The following CLIC4 variants were observed in gnomAD, a reference collection of about 807,000 sequenced individuals.
The protein encoded by CLIC4 is chloride intracellular channel protein 4.
CLIC4 carries 13 observed loss-of-function variants against 24.6 expected under a neutral mutation model. The ratio of observed to expected loss-of-function variants is 0.53; its 90% CI spans 0.34 to 0.84. The LOEUF is 0.84. Among genes scored for constraint, CLIC4 ranks in the 40% least tolerant of loss-of-function variants. CLIC4 has a pLI of 0.01. For missense variants in CLIC4, 227 were observed against 301.7 expected, an observed-to-expected ratio of 0.75 and a Z score of 1.83; for synonymous variants, 104 against 111.3, an observed-to-expected ratio of 0.93 and a Z score of 0.41.
intron 1 of CLIC4, among the ~76,000 whole-genome samples, chr1:24,747,095 ATT>A (rs749648001): frequency 0.015 from 1,794 of 120,194 alleles, 22 homozygotes; most frequent in African/African-American, 0.048. Flanking sequence ...TCAATTTTCG[ATT>A]TTTTTTTTTT....
intron 2 of CLIC4, among the ~76,000 whole-genome samples, chr1:24,800,531 C>T (rs893808094): frequency 2.0e-4 from 30 of 152,184 alleles, no homozygotes; most frequent in African/African-American, 6.7e-4. Context: ...AGTGAGGAGC[C>T]CCTCTGCCTG....
intron 1 of CLIC4, among the ~76,000 whole-genome samples, chr1:24,754,353 G>A (rs1638815461): frequency 6.6e-6 from 1 of 152,174 alleles, no homozygotes. Flanking sequence ...CTGCAGAGGT[G>A]CCTAGAAGCC....
At chr1:24,812,764 G>C (rs1173413226) in intron 2 of CLIC4, among the ~76,000 whole-genome samples, 2 of 152,110 alleles carry the variant, frequency 1.3e-5, no homozygotes, top group Non-Finnish European at 2.9e-5. Flanking sequence ...CTGTCACCAG[G>C]CTGGAGTGCA....
chr1:24,826,633 A>G (rs1639789203), intron 3 of CLIC4, among the ~76,000 whole-genome samples: 2 of 152,246 alleles, frequency 1.3e-5, no homozygotes, highest in African/African-American at 2.4e-5. Context: ...CAATGAAGAT[A>G]GAGAACATTT....
chr1:24,811,950 T>C (rs766340425), intron 2 of CLIC4, among the ~76,000 whole-genome samples: 5 of 152,240 alleles, frequency 3.3e-5, no homozygotes, highest in Non-Finnish European at 5.9e-5. Flanking sequence ...CACTTCTTGC[T>C]GTTAGTAGTT....
intron 1 of CLIC4, among the ~76,000 whole-genome samples, chr1:24,773,187 TTC>T (rs1338633770): frequency 6.6e-6 from 1 of 152,216 alleles, no homozygotes; most frequent in South Asian, 2.1e-4. Flanking sequence ...AGAAAAAACT[TTC>T]TGCAGAATTT....
At chr1:24,752,177 T>A (rs2124078351) in intron 1 of CLIC4, among the ~76,000 whole-genome samples, 1 of 152,324 alleles carries the variant, frequency 6.6e-6, no homozygotes, top group Middle Eastern at 3.4e-3. Flanking sequence ...AGTGCTTCAG[T>A]TTCCTAACTT....
At chr1:24,772,182 G>C (rs536125821) in intron 1 of CLIC4, among the ~76,000 whole-genome samples, 1 of 152,130 alleles carries the variant, frequency 6.6e-6, no homozygotes, top group African/African-American at 2.4e-5. Flanking sequence ...GTGAGCTCCT[G>C]AAAGAAAGTT....
chr1:24,814,339 T>C, intron 3 of CLIC4, 120 bp downstream of exon 3: 1 of 1,123,200 alleles, frequency 8.9e-7, no homozygotes, highest in Non-Finnish European at 1.3e-6. Flanking sequence ...CTTCTATGTT[T>C]CTTATAATTA....
rs114370083 is a variant in CLIC4, at chr1:24,826,394, C to T, written c.309-616C>T. 5.1e-3 allele frequency among the ~76,000 whole-genome samples: 776 copies of T among 152,280 alleles called. 6 individuals are homozygous for T. Among genetic ancestry groups the T allele is most frequent in the African/African-American group, 0.018 (734 of 41,530 alleles). ...TGGGTGATCATGATGCTTGACCAGC[C>T]TAGGCGCTTTTCCTGCCGTTGGGGT... On this transcript the variant is annotated intron_variant, in intron 3 of 5. Coordinates refer to ENST00000374379, the MANE Select transcript of CLIC4 (RefSeq NM_013943.3).
intron 1 of CLIC4, among the ~76,000 whole-genome samples, chr1:24,750,685 C>G (rs1315215424): frequency 2.6e-5 from 4 of 151,796 alleles, no homozygotes; most frequent in Non-Finnish European, 5.9e-5. Flanking sequence ...GTTTCTAATC[C>G]AATATGTCCA....
At chr1:24,777,320 C>T (rs556913850) in intron 1 of CLIC4, among the ~76,000 whole-genome samples, 29 of 152,224 alleles carry the variant, frequency 1.9e-4, no homozygotes, top group South Asian at 1.2e-3. Context: ...CCAGGGCGGG[C>T]GGATCAAGAG....
chr1:24,784,601 T>C (rs1639242674), intron 1 of CLIC4, among the ~76,000 whole-genome samples: 1 of 152,216 alleles, frequency 6.6e-6, no homozygotes, highest in Non-Finnish European at 1.5e-5. Flanking sequence ...AATCATTTCC[T>C]CTCTAAATGG....
intron 1 of CLIC4, among the ~76,000 whole-genome samples, chr1:24,789,581 T>G (rs1639310131): frequency 6.6e-6 from 1 of 152,108 alleles, no homozygotes; most frequent in Non-Finnish European, 1.5e-5. Context: ...TCAGTGTAGT[T>G]TTTCTCTGTT....
At chr1:24,801,013 T>C (rs1639482425) in intron 2 of CLIC4, among the ~76,000 whole-genome samples, 1 of 149,374 alleles carries the variant, frequency 6.7e-6, no homozygotes, top group Admixed American at 6.7e-5. Context: ...TATTGTCCCA[T>C]GACCCTGCCA....
chr1:24,755,529 A>G (rs1454511538), intron 1 of CLIC4, among the ~76,000 whole-genome samples: 1 of 151,640 alleles, frequency 6.6e-6, no homozygotes, highest in Non-Finnish European at 1.5e-5. Flanking sequence ...GGATCACTTG[A>G]GCCTAGAAGT....
At chr1:24,789,310 G>T (rs1639306735) in intron 1 of CLIC4, among the ~76,000 whole-genome samples, 1 of 152,204 alleles carries the variant, frequency 6.6e-6, no homozygotes, top group South Asian at 2.1e-4. Context: ...TTGAGGTCAG[G>T]AGTTCAAGAC....
chr1:24,766,472 GGTTTTTTTTTTTTTTTTTTTT>G, intron 1 of CLIC4, among the ~76,000 whole-genome samples: 1 of 91,638 alleles, frequency 1.1e-5, no homozygotes, highest in Non-Finnish European at 2.1e-5. Flanking sequence ...TTGCCCAGAC[GGTTTTTTTTTTTTTTTTTTTT>G]TTTTTTTTTT....
intron 1 of CLIC4, among the ~76,000 whole-genome samples, chr1:24,747,533 CAAA>C (rs35626709): frequency 5.4e-5 from 5 of 92,680 alleles, no homozygotes; most frequent in Admixed American, 1.4e-4. Flanking sequence ...GACTCCATCT[CAAA>C]AAAAAAAAAA....
Sources: allele counts gnomAD v4.1 joint callset (sites outside exome capture counted in the v4.1 genomes callset), GRCh38; gene constraint gnomAD v4.1.1; transcripts MANE v1.5; gene names NCBI Gene and HGNC (gene_info 2026-07-23, HGNC 2026-07-21).